ANGPT2: variants seen among roughly 807,000 people sequenced by gnomAD.
The protein encoded by ANGPT2 is angiopoietin-2.
In ANGPT2, 28 loss-of-function variants were observed where a neutral mutation model predicts 62.9. That is an observed-to-expected ratio of 0.44 (90% confidence interval 0.33 to 0.61). ANGPT2 has a LOEUF of 0.61. Ranked by LOEUF, ANGPT2 falls within the 20% of genes least tolerant of loss-of-function variation. The probability of loss-of-function intolerance (pLI) is 0.03; values close to 1 mark genes in which losing one functional copy is unlikely to be tolerated. For missense variants in ANGPT2, 727 were observed against 594.9 expected (o/e 1.22, Z -2.31); for synonymous variants, 284 against 207.8 (o/e 1.37, Z -3.15).
At chr8:6,516,792 A>C (rs1475832463) in intron 5 of ANGPT2, among the ~76,000 whole-genome samples, 2 of 152,328 alleles carry the variant, frequency 1.3e-5, no homozygotes, top group East Asian at 3.9e-4. Flanking sequence ...CAGTGTCAAA[A>C]TTACTGCTAT....
At chr8:6,506,705 T>C (rs542004413) in intron 8 of ANGPT2, among the ~76,000 whole-genome samples, 8 of 151,208 alleles carry the variant, frequency 5.3e-5, no homozygotes, top group Non-Finnish European at 5.9e-5. Context: ...CTCATTGGTG[T>C]AATAATGGTG....
Position 6,503,114 on chromosome 8 carries a change from G to A in ANGPT2, c.1475C>T (p.Pro492Leu), listed in dbSNP as rs1320835888. Residue 492 changes from proline (P) to leucine (L), a missense_variant, in exon 9 of 9, where the codon CCA (proline) becomes CTA (leucine). Pro to Leu is a moderately conservative substitution (Grantham distance 98). Transcript: ENST00000629816. Reference sequence around the variant, plus strand: ...GGACTGGGATGTTTAGAAATCTGCTGGTCGGATCATCATGGTTGTGGCCTT... The same window carrying A: ...GGACTGGGATGTTTAGAAATCTGCTAGTCGGATCATCATGGTTGTGGCCTT... ...SLKATTMMIR[P>L]ADF is the part of the protein sequence containing the mutation. The A allele has an allele frequency of 1.2e-6, 2 of 1,614,032 alleles. No individual in the cohort carries two copies. The highest frequency in any genetic ancestry group is 1.7e-5 in the Admixed American group (1 of 60,008).
intron 7 of ANGPT2, among the ~76,000 whole-genome samples, chr8:6,511,534 G>C (rs1759988278): frequency 6.6e-6 from 1 of 152,044 alleles, no homozygotes; most frequent in South Asian, 2.1e-4. Context: ...TCCAACACTT[G>C]GGGAACATTT....
At position 6,520,621 on chromosome 8, in the gene ANGPT2, C is replaced by G. The variant is rs142623036; in HGVS notation, c.799+557G>C. The stretch of plus-strand genomic sequence containing the variant: ...ATGTTGGCCACGCTGGTCTCCAACT[C>G]CTGTCCTCAAGTGATCTGCCTGCCT... On this transcript the variant is annotated intron_variant, in intron 4 of 8. Coordinates refer to ENST00000629816, the MANE Select transcript of ANGPT2 (RefSeq NM_001118887.2). 9.2e-3 allele frequency among the ~76,000 whole-genome samples: 1,404 copies of G among 152,268 alleles called. 25 individuals carry two copies. The highest frequency in any genetic ancestry group is 0.032 in the African/African-American group (1,336 of 41,542).
chr8:6,539,077 C>G (rs923193124), intron 1 of ANGPT2, among the ~76,000 whole-genome samples: 2 of 152,094 alleles, frequency 1.3e-5, no homozygotes, highest in South Asian at 4.1e-4. Context: ...GCTGCCTAAG[C>G]AGCTGTGTAC....
At chr8:6,557,461 G>T (rs938952766) in intron 1 of ANGPT2, among the ~76,000 whole-genome samples, 6 of 152,114 alleles carry the variant, frequency 3.9e-5, no homozygotes, top group African/African-American at 1.4e-4. Context: ...TTCAGTGGCT[G>T]TCTTTATATC....
At chr8:6,527,850 G>C (rs534478639) in intron 2 of ANGPT2, among the ~76,000 whole-genome samples, 174 bp from the exon 3 acceptor site, 23 of 150,376 alleles carry the variant, frequency 1.5e-4, no homozygotes, top group African/African-American at 5.4e-4. Flanking sequence ...CAATGTCTTA[G>C]ATCACATCTG....
chr8:6,506,667 C>G (rs1205220695), intron 8 of ANGPT2, among the ~76,000 whole-genome samples: 1 of 151,864 alleles, frequency 6.6e-6, no homozygotes, highest in Admixed American at 6.6e-5. Flanking sequence ...AAACAGGAAG[C>G]TTTTGCAAAA....
intron 1 of ANGPT2, among the ~76,000 whole-genome samples, chr8:6,552,233 T>C (rs1823769105): frequency 6.6e-6 from 1 of 152,234 alleles, no homozygotes; most frequent in Non-Finnish European, 1.5e-5. Context: ...AGAAACAACA[T>C]GCAGAAGCAG....
At chr8:6,537,560 AT>A in intron 1 of ANGPT2, among the ~76,000 whole-genome samples, 1 of 146,226 alleles carries the variant, frequency 6.8e-6, no homozygotes, top group Non-Finnish European at 1.5e-5. Context: ...ATATATATAT[AT>A]GTTTACATTA....
chr8:6,554,158 C>G (rs1824167096), intron 1 of ANGPT2, among the ~76,000 whole-genome samples: 1 of 150,300 alleles, frequency 6.7e-6, no homozygotes, highest in Non-Finnish European at 1.5e-5. Flanking sequence ...TAATAGTAGT[C>G]TTATCACCAG....
chr8:6,499,742 C>G lies in ANGPT2; in HGVS notation c.*3359G>C. On this transcript the variant is annotated 3_prime_UTR_variant, in exon 9 of 9. Coordinates refer to ENST00000629816, the MANE Select transcript of ANGPT2 (RefSeq NM_001118887.2). ...TTGTTGTCTGAGAACACATCTATTT[C>G]AGATCTGCGGAGTGTATCACTTTTT... The G allele has an allele frequency of 1.1e-6, 1 of 871,752 alleles. No individual in the cohort carries two copies. The highest frequency in any genetic ancestry group is 1.9e-6 in the Non-Finnish European group (1 of 515,274). The allele number at this position is 871,752 out of a possible 1,614,324, so 54.0% of individuals were successfully genotyped here.
Position 6,519,916 on chromosome 8 carries a change from G to C in ANGPT2, c.875C>G (p.Thr292Ser), listed in dbSNP as rs1788413760. The C allele has an allele frequency of 1.2e-6, 2 of 1,614,058 alleles. No homozygotes were observed. Among genetic ancestry groups the C allele is most frequent in the Non-Finnish European group, 1.7e-6 (2 of 1,179,964 alleles). The part of the protein sequence containing the change: ...DCAEVFKSGH[T>S]TNGIYTLTFP... ...TGTTAACGTGTAGATGCCATTCGTG[G>C]TGTGTCCTGATTTGAATACTTCAGC... is the stretch of plus-strand genomic sequence containing the variant. The change falls in exon 5 of 9, where the codon ACC (threonine) becomes AGC (serine). Residue 292 changes from threonine (T) to serine (S), a missense_variant. Thr to Ser is a moderately conservative substitution (Grantham distance 58). Transcript: ENST00000629816.
chr8:6,524,501 C>T (rs781489613), intron 3 of ANGPT2, among the ~76,000 whole-genome samples: 5 of 152,134 alleles, frequency 3.3e-5, no homozygotes, highest in African/African-American at 4.8e-5. Context: ...TCCTAGGAAC[C>T]GAAAGCATGT....
At chr8:6,548,859 C>A (rs1413675548) in intron 1 of ANGPT2, among the ~76,000 whole-genome samples, 7 of 152,188 alleles carry the variant, frequency 4.6e-5, no homozygotes, top group African/African-American at 9.6e-5. Flanking sequence ...TTCCCACCCT[C>A]TTTTCCATTG....
chr8:6,554,802 A>G (rs999293146), intron 1 of ANGPT2, among the ~76,000 whole-genome samples: 5 of 152,214 alleles, frequency 3.3e-5, no homozygotes, highest in Admixed American at 6.5e-5. Context: ...GATGAATTGC[A>G]AAGAGAAAGG....
chr8:6,538,359 G>A (rs529165299), intron 1 of ANGPT2, among the ~76,000 whole-genome samples: 4 of 152,252 alleles, frequency 2.6e-5, no homozygotes, highest in East Asian at 3.9e-4. Context: ...TGCTGGCCAC[G>A]CATCCCCCAG....
chr8:6,514,218 C>T (rs1815770089), intron 6 of ANGPT2, among the ~76,000 whole-genome samples: 1 of 152,166 alleles, frequency 6.6e-6, no homozygotes, highest in African/African-American at 2.4e-5. Flanking sequence ...ATTTGAGAGT[C>T]TTACTCTGTT....
chr8:6,533,569 CTTTTTT>C (rs56882906), intron 1 of ANGPT2, among the ~76,000 whole-genome samples: 75 of 113,350 alleles, frequency 6.6e-4, no homozygotes, highest in South Asian at 6.5e-3. Flanking sequence ...CGTTTAGTTT[CTTTTTT>C]TTTTTTTTTT....
Sources: allele counts gnomAD v4.1 joint callset (sites outside exome capture counted in the v4.1 genomes callset), GRCh38; gene constraint gnomAD v4.1.1; transcripts MANE v1.5; gene names NCBI Gene and HGNC (gene_info 2026-07-23, HGNC 2026-07-21).